The following GPHN variants were observed in gnomAD, a reference collection of about 807,000 sequenced individuals.
GPHN encodes the protein gephyrin.
A neutral mutation model predicts 95.5 loss-of-function variants in GPHN; 17 were observed. That is an observed-to-expected ratio of 0.18 (90% CI 0.12 to 0.27). The LOEUF is 0.27. Ranked by LOEUF, GPHN falls within the 10% of genes least tolerant of loss-of-function variation. The pLI is 1.00. For missense variants in GPHN, 660 were observed against 978.1 expected, an observed-to-expected ratio of 0.67 and a Z score of 4.34; for synonymous variants, 320 against 322.5, an observed-to-expected ratio of 0.99 and a Z score of 0.08.
At chr14:67,562,932 C>T in the GPHN span, 4 of 1,584,432 alleles carry the variant, frequency 2.5e-6, no homozygotes, top group Non-Finnish European at 3.4e-6. Flanking sequence ...AGGAGCAGAG[C>T]TAATGGCAAG....
At chr14:66,992,604 C>A (rs183438962) in intron 9 of GPHN, among the ~76,000 whole-genome samples, 1 of 152,236 alleles carries the variant, frequency 6.6e-6, no homozygotes, top group Admixed American at 6.5e-5. Flanking sequence ...ATTTTCATTG[C>A]AGCCTTAGCT....
the GPHN span, among the ~76,000 whole-genome samples, chr14:67,730,949 G>A: frequency 2.0e-5 from 3 of 152,122 alleles, no homozygotes; most frequent in Non-Finnish European, 2.9e-5. Context: ...TATAAAAAAA[G>A]AAGTGTAAGT....
chr14:67,713,809 T>G, the GPHN span, among the ~76,000 whole-genome samples: 1 of 152,144 alleles, frequency 6.6e-6, no homozygotes, highest in Admixed American at 6.5e-5. Context: ...TCAACATATG[T>G]AAAATGAACA....
chr14:67,482,801 C>G, the GPHN span, among the ~76,000 whole-genome samples: 14 of 152,254 alleles, frequency 9.2e-5, no homozygotes, highest in African/African-American at 2.6e-4. Flanking sequence ...CTGCAGACTT[C>G]CACCCTCTTG....
In GPHN at chr14:67,031,000, T is replaced by TTTTGTTTGTTTG. The variant is rs61031989; in HGVS notation, c.1006+7353_1006+7364dup. On this transcript the variant is annotated intron_variant, in intron 10 of 22. Transcript: ENST00000478722. Reference sequence around the variant, plus strand: ...ATATATTTATTGAAAATACTGGGGGTTTTGTTTGTTTGTTTGTTTGTTTGT... The same window carrying TTTTGTTTGTTTG: ...ATATATTTATTGAAAATACTGGGGGTTTTGTTTGTTTGTTTGTTTGTTTGTTTGTTTGTTTGT... Among the ~76,000 whole-genome samples, 5 of 150,240 alleles carry TTTTGTTTGTTTG rather than the reference T, an allele frequency of 3.3e-5. No individual in the cohort carries two copies. The East Asian group carries it at 6.0e-4, about 18-fold the overall frequency.
chr14:67,387,588 A>T, the GPHN span: 2 of 950,332 alleles, frequency 2.1e-6, no homozygotes, highest in Non-Finnish European at 3.0e-6. Flanking sequence ...AAAGGTTTAC[A>T]GTTAGAGAAT....
chr14:67,296,465 G>T, the GPHN span, among the ~76,000 whole-genome samples: 36 of 151,510 alleles, frequency 2.4e-4, no homozygotes, highest in Admixed American at 2.0e-3. Flanking sequence ...GGCGGGTGTG[G>T]TGGTACTCAG....
At chr14:67,321,130 G>A in the GPHN span, 3 of 1,614,182 alleles carry the variant, frequency 1.9e-6, no homozygotes, top group South Asian at 3.3e-5. Context: ...AAGCATTCGA[G>A]GCAGACATAG....
rs116575205 is a variant in GPHN, at chr14:66,858,235, C to A, written c.295-21704C>A. Among the ~76,000 whole-genome samples, 1,057 of 151,882 alleles carry A rather than the reference C, an allele frequency of 7.0e-3. 5 individuals are homozygous for A. The highest frequency in any genetic ancestry group is 0.024 in the African/African-American group (1,009 of 41,404). On this transcript the variant is annotated intron_variant, in intron 4 of 22. Coordinates refer to ENST00000478722, the MANE Select transcript of GPHN (RefSeq NM_020806.5). ...ACCATCCCTTCCCCATGCCTCAGGCCACATAGCTCACAGCTCCAAAAGAGA... is the reference window on the plus strand; with the variant it reads ...ACCATCCCTTCCCCATGCCTCAGGCAACATAGCTCACAGCTCCAAAAGAGA...
At chr14:67,360,329 T>TGCGCGGTGGAGTGAGCGAAGCGC in the GPHN span, 2 of 397,922 alleles carry the variant, frequency 5.0e-6, no homozygotes, top group Non-Finnish European at 8.9e-6. Flanking sequence ...AGGTTCCGCA[T>TGCGCGGTGGAGTGAGCGAAGCGC]GCGCGGTGGA....
chr14:66,780,317 AT>A (rs1440774991), intron 3 of GPHN, among the ~76,000 whole-genome samples: 3 of 152,206 alleles, frequency 2.0e-5, no homozygotes, highest in Non-Finnish European at 4.4e-5. Context: ...GTTTGTCCTC[AT>A]ACAAAAGAGT....
chr14:67,433,423 A>AT, the GPHN span, among the ~76,000 whole-genome samples: 2,178 of 151,726 alleles, frequency 0.014, 56 homozygotes, highest in African/African-American at 0.049. Context: ...GGAATAAATG[A>AT]TTTTTTTTTC....
chr14:67,003,433 G>A (rs2072379849), intron 9 of GPHN, among the ~76,000 whole-genome samples: 1 of 151,584 alleles, frequency 6.6e-6, no homozygotes, highest in Non-Finnish European at 1.5e-5. Flanking sequence ...TTATTTCTTA[G>A]GAAAATGCAC....
intron 8 of GPHN, among the ~76,000 whole-genome samples, chr14:66,943,287 C>G (rs902408583): frequency 2.0e-5 from 3 of 152,114 alleles, no homozygotes; most frequent in African/African-American, 7.2e-5. Context: ...AAATTTATTT[C>G]CAGTAGTTTG....
At chr14:67,726,418 G>A in the GPHN span, among the ~76,000 whole-genome samples, 2 of 152,222 alleles carry the variant, frequency 1.3e-5, no homozygotes, top group African/African-American at 4.8e-5. Context: ...GGCAGTGGCA[G>A]TACAAGGCTT....
At chr14:67,358,234 C>T in the GPHN span, among the ~76,000 whole-genome samples, 4 of 152,174 alleles carry the variant, frequency 2.6e-5, no homozygotes, top group Admixed American at 6.5e-5. Flanking sequence ...GTTGTCACTA[C>T]CTCGGGATAG....
chr14:66,513,987 A>G (rs1197505390), intron 1 of GPHN, among the ~76,000 whole-genome samples: 1 of 151,944 alleles, frequency 6.6e-6, no homozygotes, highest in East Asian at 1.9e-4. Context: ...TAATTTGAAA[A>G]ATAAAGCAGC....
intron 9 of GPHN, among the ~76,000 whole-genome samples, chr14:67,011,424 T>A (rs1463842235): frequency 6.7e-6 from 1 of 149,786 alleles, no homozygotes; most frequent in Non-Finnish European, 1.5e-5. Flanking sequence ...AAAAAAAAAA[T>A]TATCTCGGGG....
the GPHN span, among the ~76,000 whole-genome samples, chr14:67,450,311 G>A: frequency 2.0e-5 from 3 of 152,108 alleles, no homozygotes; most frequent in African/African-American, 7.2e-5. Context: ...CCAGTAGAGT[G>A]GGGCACTGCT....
Sources: gnomAD v4.1 joint callset for allele counts (sites outside exome capture counted in the v4.1 genomes callset) on GRCh38, gnomAD v4.1.1 for gene constraint, MANE v1.5 for transcripts, NCBI Gene and HGNC (gene_info 2026-07-23, HGNC 2026-07-21) for gene names.